DENND5A: variants seen among roughly 807,000 people sequenced by gnomAD.
DENND5A encodes DENN domain containing 5A.
A neutral mutation model predicts 140.3 loss-of-function variants in DENND5A; 64 were observed. The observed-to-expected ratio is 0.46, with a 90% CI of 0.37 to 0.56. The LOEUF (loss-of-function observed/expected upper bound fraction) is 0.56. DENND5A is among the 20% of genes least tolerant of loss of function. The pLI, the probability that DENND5A is intolerant of heterozygous loss-of-function variation, is 0.00. For synonymous variants in DENND5A, 605 were observed against 607.7 expected (o/e 1.00, Z 0.07); for missense variants, 1,292 against 1,593.8 (o/e 0.81, Z 3.22).
In DENND5A at chr11:9,231,791, T is replaced by G. The variant is rs116365787; in HGVS notation, c.110-24159A>C. Among the ~76,000 whole-genome samples the G allele has an allele frequency of 7.1e-3, 1,070 of 151,738 alleles. 11 individuals are homozygous for G. Among genetic ancestry groups the G allele is most frequent in the African/African-American group, 0.025 (1,028 of 41,322 alleles). ...TAACATAAGAGAAAGTTTCCTTTAC[T>G]TTTAAGAACTTTTATAGTAATAAAT... On this transcript the variant is annotated intron_variant, in intron 1 of 22. Transcript: ENST00000328194.
intron 16 of DENND5A, among the ~76,000 whole-genome samples, chr11:9,146,281 C>T (rs2136117092): frequency 6.6e-6 from 1 of 152,280 alleles, no homozygotes; most frequent in Non-Finnish European, 1.5e-5. Context: ...TCCAGGGCTA[C>T]TTCTATTAAG....
chr11:9,222,380 G>A (rs1384154636), intron 1 of DENND5A, among the ~76,000 whole-genome samples: 1 of 151,970 alleles, frequency 6.6e-6, no homozygotes. Flanking sequence ...CAAAAATCTA[G>A]TCAGTGTTCA....
chr11:9,240,883 A>G (rs1016617880), intron 1 of DENND5A, among the ~76,000 whole-genome samples: 2 of 152,216 alleles, frequency 1.3e-5, no homozygotes, highest in African/African-American at 2.4e-5. Flanking sequence ...GAAACAAAAA[A>G]TGTGGCTGAT....
intron 1 of DENND5A, among the ~76,000 whole-genome samples, chr11:9,232,582 A>G (rs1412290039): frequency 6.6e-6 from 1 of 152,186 alleles, no homozygotes; most frequent in Non-Finnish European, 1.5e-5. Flanking sequence ...AAGAGTTGGT[A>G]AGGATAGGGA....
chr11:9,240,396 CAA>C (rs1851185516), intron 1 of DENND5A, among the ~76,000 whole-genome samples: 3 of 151,950 alleles, frequency 2.0e-5, no homozygotes, highest in Non-Finnish European at 4.4e-5. Flanking sequence ...AACTCCGTCT[CAA>C]AAACAAACAA....
At chr11:9,164,307 T>C (rs1848113806) in intron 11 of DENND5A, among the ~76,000 whole-genome samples, 1 of 143,346 alleles carries the variant, frequency 7.0e-6, no homozygotes, top group Non-Finnish European at 1.5e-5. Context: ...CCCACCTCAA[T>C]CTCCCAAAGT....
chr11:9,179,159 T>G, intron 6 of DENND5A, 86 bp from the exon 7 acceptor site: 1 of 1,242,042 alleles, frequency 8.1e-7, no homozygotes. Flanking sequence ...TTTATCTGAT[T>G]TTTTTTTACA....
intron 5 of DENND5A, 45 bp from the exon 6 acceptor site, chr11:9,181,129 T>C: frequency 6.5e-7 from 1 of 1,547,570 alleles, no homozygotes; most frequent in Non-Finnish European, 8.7e-7. Context: ...CTCCAGAGCA[T>C]TACAGGAAGA....
At chr11:9,190,378 T>A (rs988821810) in intron 5 of DENND5A, among the ~76,000 whole-genome samples, 2 of 152,072 alleles carry the variant, frequency 1.3e-5, no homozygotes, top group Non-Finnish European at 2.9e-5. Flanking sequence ...TTGTGTGAGG[T>A]ACCCAGTAGG....
At chr11:9,163,926 T>G (rs2136145271) in intron 11 of DENND5A, among the ~76,000 whole-genome samples, 1 of 143,350 alleles carries the variant, frequency 7.0e-6, no homozygotes. Flanking sequence ...GAAAAAAAAA[T>G]CACAGATATT....
chr11:9,254,158 G>GAAAAAAA (rs10718465), intron 1 of DENND5A, among the ~76,000 whole-genome samples: 1 of 91,888 alleles, frequency 1.1e-5, no homozygotes, highest in African/African-American at 4.4e-5. Flanking sequence ...CTCTGTCTCA[G>GAAAAAAA]AAAAAAAAAA....
intron 6 of DENND5A, among the ~76,000 whole-genome samples, chr11:9,179,954 A>T (rs1357334201): frequency 6.6e-6 from 1 of 152,232 alleles, no homozygotes; most frequent in African/African-American, 2.4e-5. Context: ...CAAGATTATT[A>T]CATTGGCCCA....
intron 11 of DENND5A, among the ~76,000 whole-genome samples, chr11:9,161,640 G>A (rs1847987739): frequency 6.6e-6 from 1 of 152,144 alleles, no homozygotes; most frequent in Non-Finnish European, 1.5e-5. Flanking sequence ...CTTATTGTAA[G>A]ATCATAACCA....
At chr11:9,248,099 A>T (rs1851556742) in intron 1 of DENND5A, among the ~76,000 whole-genome samples, 1 of 151,934 alleles carries the variant, frequency 6.6e-6, no homozygotes, top group Non-Finnish European at 1.5e-5. Context: ...CCTCCACATC[A>T]GGCCTCTCGA....
chr11:9,175,008 G>C (rs1239911070), intron 8 of DENND5A, among the ~76,000 whole-genome samples: 2 of 151,928 alleles, frequency 1.3e-5, no homozygotes, highest in African/African-American at 4.8e-5. Context: ...AGAAATAAAA[G>C]GTATCCAGGG....
rs1849219269 is a variant in DENND5A, at chr11:9,193,669, A to G, written c.962T>C (p.Leu321Pro). The stretch of plus-strand genomic sequence containing the variant: ...TGTAATCGTCTCCGCCACAGTCATC[A>G]GTCTCTGGTAATCTGGGTCAACAAC... ...ILLYSQHYQR[L>P]MTVAETITAL... Residue 321 changes from leucine to proline, a missense_variant, in exon 5 of 23, where the codon CTG (leucine) becomes CCG (proline). Transcript: ENST00000328194. 1 of 1,610,490 alleles carries G rather than the reference A, an allele frequency of 6.2e-7. No homozygotes were observed. Among genetic ancestry groups the G allele is most frequent in the East Asian group, 2.2e-5 (1 of 44,786 alleles).
At chr11:9,243,093 A>C (rs922254949) in intron 1 of DENND5A, among the ~76,000 whole-genome samples, 2 of 138,012 alleles carry the variant, frequency 1.4e-5, no homozygotes, top group African/African-American at 3.3e-5. Flanking sequence ...GTCTCAAAAA[A>C]AAAAAAAAAA....
chr11:9,239,832 C>T (rs1469663947), intron 1 of DENND5A, among the ~76,000 whole-genome samples: 1 of 152,126 alleles, frequency 6.6e-6, no homozygotes, highest in Non-Finnish European at 1.5e-5. Flanking sequence ...TTTCCTATCC[C>T]AAGAGTTCAA....
chr11:9,197,678 G>C (rs568821894), intron 4 of DENND5A, among the ~76,000 whole-genome samples: 10 of 152,226 alleles, frequency 6.6e-5, no homozygotes, highest in African/African-American at 2.2e-4. Flanking sequence ...CTGGGCAACA[G>C]AGCAAGACCC....
Sources: allele counts gnomAD v4.1 joint callset (sites outside exome capture counted in the v4.1 genomes callset), GRCh38; gene constraint gnomAD v4.1.1; transcripts MANE v1.5; gene names NCBI Gene and HGNC (gene_info 2026-07-23, HGNC 2026-07-21).